ATG4A: variants seen among roughly 807,000 people sequenced by gnomAD.
The protein encoded by ATG4A is autophagy related 4A cysteine peptidase, also known as cysteine protease ATG4A.
In ATG4A, 22 loss-of-function variants were observed where a neutral mutation model predicts 38.4. That is an observed-to-expected ratio of 0.57 (90% CI 0.41 to 0.82). The LOEUF is 0.82. Among genes scored for constraint, ATG4A ranks in the 40% least tolerant of loss-of-function variants. The pLI, the probability that ATG4A is intolerant of heterozygous loss-of-function variation, is 0.00. For synonymous variants in ATG4A, 86 were observed against 100.7 expected, an observed-to-expected ratio of 0.85 and a Z score of 0.88; for missense variants, 220 against 290.0, an observed-to-expected ratio of 0.76 and a Z score of 1.75.
intron 1 of ATG4A, among the ~76,000 whole-genome samples, chrX:108,103,499 G>A (rs1177120676): frequency 8.9e-6 from 1 of 111,998 alleles, no homozygotes; most frequent in East Asian, 2.8e-4. Flanking sequence ...TGATAGGGAA[G>A]GACTTATTAT....
chrX:108,126,182 A>C lies in ATG4A; in HGVS notation c.116A>C (p.Lys39Thr). Residue 39 changes from lysine (K) to threonine (T), a missense_variant, in exon 2 of 13, where the codon AAA (lysine) becomes ACA (threonine). Coordinates refer to ENST00000372232, the MANE Select transcript of ATG4A (RefSeq NM_052936.5). ...VWILGKQHLL[K>T]TEKSKLLSDI... ...ATCTTAGGGAAGCAGCATCTCCTTAAAACAGGTAAGATTTGGTAGCATTTG... is the reference window on the plus strand; with the variant it reads ...ATCTTAGGGAAGCAGCATCTCCTTACAACAGGTAAGATTTGGTAGCATTTG... 8.4e-7 allele frequency: 1 copy of C among 1,190,886 alleles called. No homozygotes were observed. Among genetic ancestry groups the C allele is most frequent in the Non-Finnish European group, 1.1e-6 (1 of 877,103 alleles).
chrX:108,133,872 G>A (rs2033028779), intron 4 of ATG4A, among the ~76,000 whole-genome samples, 185 bp from the exon 5 acceptor site: 1 of 112,241 alleles, frequency 8.9e-6, no homozygotes, highest in Admixed American at 9.4e-5. Flanking sequence ...GTCCTTGAAA[G>A]CAATCACTTT....
chrX:108,149,828 G>A (rs956702391), intron 9 of ATG4A, among the ~76,000 whole-genome samples: 5 of 112,248 alleles, frequency 4.5e-5, no homozygotes, highest in East Asian at 2.8e-4. Context: ...TCCACCTACC[G>A]CCTCTTTGCT....
intron 1 of ATG4A, among the ~76,000 whole-genome samples, chrX:108,112,105 G>A (rs2032370898): frequency 8.9e-6 from 1 of 111,806 alleles, no homozygotes; most frequent in African/African-American, 3.3e-5. Context: ...CATGGAGAAT[G>A]GGGTATCCAT....
intron 9 of ATG4A, among the ~76,000 whole-genome samples, chrX:108,142,901 A>T (rs1364417333): frequency 9.0e-6 from 1 of 111,677 alleles, no homozygotes; most frequent in African/African-American, 3.3e-5. Flanking sequence ...ACTCAGTATT[A>T]GCCATCACAA....
chrX:108,099,164 A>T (rs1373126251), intron 1 of ATG4A, among the ~76,000 whole-genome samples: 2 of 108,419 alleles, frequency 1.8e-5, no homozygotes, highest in Non-Finnish European at 3.9e-5. Context: ...TATTCTCACT[A>T]TTTTTTTTTT....
chrX:108,137,056 C>T (rs759653096), intron 6 of ATG4A, 35 bp from the exon 7 acceptor site: 2 of 1,138,793 alleles, frequency 1.8e-6, no homozygotes, highest in Non-Finnish European at 2.4e-6. Context: ...TTTCCATCTT[C>T]CCAAATTGTG....
chrX:108,142,509 C>T (rs755348033), intron 9 of ATG4A, among the ~76,000 whole-genome samples: 11 of 109,259 alleles, frequency 1.0e-4, no homozygotes, highest in Non-Finnish European at 2.1e-4. Flanking sequence ...CATACATACA[C>T]ACACACACAC....
At chrX:108,132,354 A>C (rs1450792236) in intron 4 of ATG4A, among the ~76,000 whole-genome samples, 2 of 111,972 alleles carry the variant, frequency 1.8e-5, no homozygotes, top group South Asian at 3.8e-4. Flanking sequence ...TTTGGATGAG[A>C]TTGGGCTGCT....
intron 2 of ATG4A, 68 bp from the exon 3 acceptor site, chrX:108,128,713 T>C (rs770045672): frequency 3.9e-5 from 27 of 696,862 alleles, no homozygotes; most frequent in Non-Finnish European, 5.6e-5. Flanking sequence ...AGTTAGTAGC[T>C]GGCTCAGAAG....
intron 2 of ATG4A, among the ~76,000 whole-genome samples, chrX:108,127,785 A>G (rs1006821298): frequency 2.7e-5 from 3 of 112,295 alleles, no homozygotes; most frequent in Non-Finnish European, 5.6e-5. Context: ...TTTATACAGA[A>G]TATAATACAG....
intron 9 of ATG4A, among the ~76,000 whole-genome samples, chrX:108,138,430 A>G (rs1167327190): frequency 1.8e-5 from 2 of 111,785 alleles, no homozygotes; most frequent in African/African-American, 6.5e-5. Flanking sequence ...AGATGGTTCC[A>G]TTGCTTTCCC....
chrX:108,130,313 A>G (rs1247405419), intron 3 of ATG4A, among the ~76,000 whole-genome samples: 1 of 111,813 alleles, frequency 8.9e-6, no homozygotes, highest in African/African-American at 3.3e-5. Flanking sequence ...ACACTGGGAA[A>G]AGAAAACAAT....
chrX:108,147,858 C>A, intron 9 of ATG4A, among the ~76,000 whole-genome samples: 1 of 108,410 alleles, frequency 9.2e-6, no homozygotes, highest in East Asian at 2.9e-4. Context: ...ATTAGAAGTA[C>A]AGTCCTTAGC....
intron 1 of ATG4A, among the ~76,000 whole-genome samples, chrX:108,121,542 CT>C (rs1410600382): frequency 9.0e-6 from 1 of 111,270 alleles, no homozygotes; most frequent in African/African-American, 3.3e-5. Context: ...TTGCCAAGCC[CT>C]TTCGGTGTTC....
At chrX:108,095,045 C>T (rs1471587515) in intron 1 of ATG4A, among the ~76,000 whole-genome samples, 2 of 111,929 alleles carry the variant, frequency 1.8e-5, no homozygotes, top group Admixed American at 9.4e-5. Context: ...ATCTTTGCCT[C>T]CCAGGCTCAA....
chrX:108,115,927 T>G (rs1285796572), intron 1 of ATG4A, among the ~76,000 whole-genome samples: 1 of 112,497 alleles, frequency 8.9e-6, no homozygotes, highest in Non-Finnish European at 1.9e-5. Context: ...ATATTCCCTG[T>G]CAGACATTAG....
At chrX:108,150,700 A>G (rs927595092) in intron 10 of ATG4A, among the ~76,000 whole-genome samples, 1 of 112,425 alleles carries the variant, frequency 8.9e-6, no homozygotes, top group Non-Finnish European at 1.9e-5. Context: ...TTATAAAACC[A>G]TCAGATCTCA....
upstream of ATG4A, chrX:108,091,326 C>A: frequency 1.1e-6 from 1 of 923,490 alleles, no homozygotes; most frequent in Non-Finnish European, 1.6e-6. Flanking sequence ...AGAAACGGGG[C>A]CTCCGCTAGG....
Sources: gnomAD v4.1 joint callset for allele counts (sites outside exome capture counted in the v4.1 genomes callset) on GRCh38, gnomAD v4.1.1 for gene constraint, MANE v1.5 for transcripts, NCBI Gene and HGNC (gene_info 2026-07-23, HGNC 2026-07-21) for gene names.